The following MAP2 variants were observed in gnomAD, a reference collection of about 807,000 sequenced individuals.
MAP2 encodes microtubule associated protein 2, also known as microtubule-associated protein 2.
Under a neutral mutation model 137.6 loss-of-function variants are expected in MAP2, and 14 were observed. The observed-to-expected ratio is 0.10, with a 90% confidence interval of 0.07 to 0.16. The LOEUF (loss-of-function observed/expected upper bound fraction) is 0.16. MAP2 is among the 10% of genes least tolerant of loss of function. The pLI is 1.00. For synonymous variants in MAP2, 786 were observed against 782.3 expected (o/e 1.00, Z -0.08); for missense variants, 2,088 against 2,191.5 (o/e 0.95, Z 0.94).
At chr2:209,468,804 C>A (rs1559201050) in intron 1 of MAP2, among the ~76,000 whole-genome samples, 1 of 152,076 alleles carries the variant, frequency 6.6e-6, no homozygotes, top group African/African-American at 2.4e-5. Flanking sequence ...ATATGGATAT[C>A]TTTGATCTGG....
chr2:209,727,203 A>G (rs1191021947), intron 14 of MAP2, among the ~76,000 whole-genome samples: 2 of 152,208 alleles, frequency 1.3e-5, no homozygotes, highest in Non-Finnish European at 2.9e-5. Context: ...TAGCTTCTCT[A>G]CTATTCATGA....
intron 1 of MAP2, among the ~76,000 whole-genome samples, chr2:209,488,846 G>A (rs2058717906): frequency 6.6e-6 from 1 of 152,172 alleles, no homozygotes; most frequent in Admixed American, 6.5e-5. Context: ...GGGAAAGGGG[G>A]GGATGTGGGT....
chr2:209,642,966 G>A (rs1392479709), intron 4 of MAP2, among the ~76,000 whole-genome samples: 1 of 152,108 alleles, frequency 6.6e-6, no homozygotes, highest in Non-Finnish European at 1.5e-5. Context: ...AAGCATAATT[G>A]AGCCTACATG....
chr2:209,696,356 C>CATTATT lies in MAP2; in HGVS notation c.4180+19_4180+24dup. On this transcript the variant is annotated splice_region_variant and intron_variant, in intron 8 of 15. Coordinates refer to ENST00000682079, the MANE Select transcript of MAP2 (RefSeq NM_001375505.1). The stretch of plus-strand genomic sequence containing the variant: ...CCTCTGGGTGGACACTCAAGGTGTG[C>CATTATT]ATTATTATTATTATTATTTTAACTC... The CATTATT allele has an allele frequency of 1.3e-6, 2 of 1,531,120 alleles. No individual in the cohort carries two copies. The highest frequency in any genetic ancestry group is 1.7e-6 in the Non-Finnish European group (2 of 1,146,800). The allele number at this position is 1,531,120 out of a possible 1,614,324, so 94.8% of individuals were successfully genotyped here. A position where few individuals can be genotyped will look rare whatever the true frequency, so the allele number is the denominator to read the frequency against.
chr2:209,614,361 C>T (rs1440417788), intron 3 of MAP2, among the ~76,000 whole-genome samples: 2 of 152,168 alleles, frequency 1.3e-5, no homozygotes, highest in East Asian at 1.9e-4. Flanking sequence ...CTTCCTTTGC[C>T]TCCTATTTAT....
chr2:209,546,725 C>T (rs1342393361), intron 2 of MAP2, among the ~76,000 whole-genome samples: 3 of 152,190 alleles, frequency 2.0e-5, no homozygotes. Context: ...CAAAAGGCCA[C>T]ACTATGTTAC....
chr2:209,629,223 C>T (rs1416394440), intron 4 of MAP2, among the ~76,000 whole-genome samples: 2 of 152,096 alleles, frequency 1.3e-5, no homozygotes, highest in African/African-American at 2.4e-5. Flanking sequence ...TAAGATTTAC[C>T]ACATTCAACA....
chr2:209,575,338 A>G (rs963608992), intron 2 of MAP2, among the ~76,000 whole-genome samples: 57 of 151,814 alleles, frequency 3.8e-4, no homozygotes, highest in Non-Finnish European at 5.7e-4. Context: ...TGGCTAACAC[A>G]GTGAAACCCC....
chr2:209,455,082 C>G (rs541777948), intron 1 of MAP2, among the ~76,000 whole-genome samples: 53 of 152,256 alleles, frequency 3.5e-4, no homozygotes, highest in Middle Eastern at 3.4e-3. Flanking sequence ...GAGGACCTCA[C>G]CCTGATTAAC....
intron 3 of MAP2, among the ~76,000 whole-genome samples, chr2:209,596,866 A>G (rs573901005): frequency 2.6e-5 from 4 of 152,334 alleles, no homozygotes; most frequent in African/African-American, 9.6e-5. Flanking sequence ...AAAGCCAATA[A>G]TTAATGTAGT....
chr2:209,664,013 C>T (rs893724286), intron 5 of MAP2, among the ~76,000 whole-genome samples: 1 of 152,176 alleles, frequency 6.6e-6, no homozygotes, highest in Non-Finnish European at 1.5e-5. Context: ...TGATTTTATT[C>T]TCTCAAATGA....
intron 2 of MAP2, among the ~76,000 whole-genome samples, chr2:209,564,723 A>C (rs2073027573): frequency 6.6e-6 from 1 of 152,148 alleles, no homozygotes; most frequent in South Asian, 2.1e-4. Flanking sequence ...GCAAAGAATT[A>C]ACCTTCTCAT....
At chr2:209,649,280 G>C (rs1050116967) in intron 4 of MAP2, among the ~76,000 whole-genome samples, 5 of 152,080 alleles carry the variant, frequency 3.3e-5, no homozygotes, top group African/African-American at 1.2e-4. Flanking sequence ...ACCTCCCAAA[G>C]TGCTGGGATT....
At chr2:209,685,805 T>C (rs2056810875) in intron 7 of MAP2, among the ~76,000 whole-genome samples, 1 of 152,152 alleles carries the variant, frequency 6.6e-6, no homozygotes, top group African/African-American at 2.4e-5. Flanking sequence ...GTTGGCACTT[T>C]CACAAAGAAC....
At chr2:209,621,059 G>A (rs1171527225) in intron 3 of MAP2, among the ~76,000 whole-genome samples, 1 of 151,604 alleles carries the variant, frequency 6.6e-6, no homozygotes, top group Non-Finnish European at 1.5e-5. Context: ...GCTGGGCGTG[G>A]TGGCACATAC....
chr2:209,450,003 G>A lies in MAP2; in HGVS notation c.-222+25727G>A, dbSNP rs538588030. ...GTAGCCCAGGCTAGAGTGCAGTGGC[G>A]CAATCTCATGTCACTGCAACCTCCG... is the stretch of plus-strand genomic sequence containing the variant. On this transcript the variant is annotated intron_variant, in intron 1 of 15. Coordinates refer to ENST00000682079, the MANE Select transcript of MAP2 (RefSeq NM_001375505.1). Among the ~76,000 whole-genome samples the A allele has an allele frequency of 3.9e-5, 6 of 152,160 alleles. No homozygotes were observed. In the South Asian group the frequency reaches 8.3e-4, roughly 21 times the overall value.
intron 5 of MAP2, among the ~76,000 whole-genome samples, chr2:209,671,310 A>G (rs1017213393): frequency 6.6e-6 from 1 of 151,972 alleles, no homozygotes; most frequent in Non-Finnish European, 1.5e-5. Flanking sequence ...AATTTCCTTC[A>G]TCATCAGTTG....
chr2:209,523,546 C>T (rs2063582554), intron 2 of MAP2, among the ~76,000 whole-genome samples: 1 of 152,104 alleles, frequency 6.6e-6, no homozygotes, highest in African/African-American at 2.4e-5. Flanking sequence ...AATGCTAGGC[C>T]CTTCTCTTGC....
At chr2:209,551,288 G>A (rs1044935027) in intron 2 of MAP2, among the ~76,000 whole-genome samples, 2 of 152,062 alleles carry the variant, frequency 1.3e-5, no homozygotes, top group Non-Finnish European at 2.9e-5. Context: ...GTGTGGTCTT[G>A]ATGGTGCACT....
Sources: allele counts gnomAD v4.1 joint callset (sites outside exome capture counted in the v4.1 genomes callset), GRCh38; gene constraint gnomAD v4.1.1; transcripts MANE v1.5; gene names NCBI Gene and HGNC (gene_info 2026-07-23, HGNC 2026-07-21).